ERI1: variants seen among roughly 807,000 people sequenced by gnomAD.
The protein encoded by ERI1 is exoribonuclease 1, also known as 3'-5' exoribonuclease 1.
In ERI1, 39 loss-of-function variants were observed where a neutral mutation model predicts 39.7. The observed-to-expected ratio is 0.98, with a 90% confidence interval of 0.76 to 1.28. The LOEUF is 1.28. Among genes scored for constraint, ERI1 ranks in the 50% most tolerant of loss-of-function variants. ERI1 has a pLI of 0.00. For missense variants in ERI1, 581 were observed against 416.9 expected, an observed-to-expected ratio of 1.39 and a Z score of -3.43; for synonymous variants, 204 against 149.6, an observed-to-expected ratio of 1.36 and a Z score of -2.65.
Position 9,018,300 on chromosome 8 carries a change from C to T in ERI1, c.586C>T (p.Gln196Ter). Reference sequence around the variant, plus strand: ...TATTTTACTTTTATATCCTCAGGATCAGGTAGACAGAGCTGATACCTTCCC... The same window carrying T: ...TATTTTACTTTTATATCCTCAGGATTAGGTAGACAGAGCTGATACCTTCCC... ...CISLTGITQD[Q>*]VDRADTFPQV... Residue 196 changes from glutamine (Q) to a stop codon, truncating the protein, a stop_gained, in exon 5 of 7, where the codon CAG becomes TAG. Coordinates refer to ENST00000250263, the MANE Select transcript of ERI1 (RefSeq NM_153332.4). LOFTEE classifies it high-confidence loss of function. The T allele has an allele frequency of 6.3e-7, 1 of 1,597,022 alleles. No homozygotes were observed.
intron 6 of ERI1, among the ~76,000 whole-genome samples, chr8:9,029,385 T>C (rs976365786): frequency 6.6e-6 from 1 of 152,084 alleles, no homozygotes; most frequent in Admixed American, 6.6e-5. Context: ...CTGGAGTGCA[T>C]TGGCATGATC....
At chr8:9,018,245 C>T in intron 4 of ERI1, 52 bp from the exon 5 acceptor site, 1 of 1,030,774 alleles carries the variant, frequency 9.7e-7, no homozygotes, top group Non-Finnish European at 1.5e-6. Context: ...TTTTGTAGGT[C>T]TACGTGAAGC....
intron 3 of ERI1, among the ~76,000 whole-genome samples, chr8:9,048,085 C>A (rs1282460774): frequency 2.6e-5 from 4 of 152,180 alleles, no homozygotes; most frequent in Admixed American, 6.5e-5. Flanking sequence ...CTTGCATTGT[C>A]CTCTGGGAAG....
At position 9,033,089 on chromosome 8, in the gene ERI1, T is replaced by A. The variant is rs917712821; in HGVS notation, c.*3055T>A. The A allele has an allele frequency of 6.6e-6, 1 of 152,178 alleles. No individual in the cohort carries two copies. The highest frequency in any genetic ancestry group is 6.5e-5 in the Admixed American group (1 of 15,276). 9.4% of individuals were successfully genotyped at this position (152,178 alleles called of 1,614,324 possible). ...TTCTATTATACTTAGAAATTTCCTC[T>A]TTGTTCTGCACCACCAACCTGTATA... On this transcript the variant is annotated 3_prime_UTR_variant, in exon 7 of 7. Coordinates refer to ENST00000250263, the MANE Select transcript of ERI1 (RefSeq NM_153332.4).
At chr8:9,019,022 C>T (rs562933041) in intron 5 of ERI1, among the ~76,000 whole-genome samples, 24 of 152,116 alleles carry the variant, frequency 1.6e-4, no homozygotes, top group Non-Finnish European at 2.6e-4. Context: ...ATACATAAGA[C>T]TTACTTTTGC....
intron 3 of ERI1, among the ~76,000 whole-genome samples, chr8:9,083,444 T>C (rs1799429195): frequency 6.6e-6 from 1 of 152,168 alleles, no homozygotes; most frequent in South Asian, 2.1e-4. Flanking sequence ...CGATGCCTTA[T>C]AAACTTTTAT....
chr8:9,064,543 T>C (rs952758611), intron 3 of ERI1, among the ~76,000 whole-genome samples: 1 of 151,944 alleles, frequency 6.6e-6, no homozygotes, highest in African/African-American at 2.4e-5. Flanking sequence ...GAATTGAAAT[T>C]AAGAGAAGTG....
intron 3 of ERI1, among the ~76,000 whole-genome samples, chr8:9,069,467 C>G (rs996477520): frequency 6.6e-6 from 1 of 152,142 alleles, no homozygotes; most frequent in African/African-American, 2.4e-5. Context: ...CTGGATGGAT[C>G]AAAGGGGACT....
chr8:9,037,210 G>C (rs1797878706), downstream of ERI1, among the ~76,000 whole-genome samples: 1 of 152,126 alleles, frequency 6.6e-6, no homozygotes, highest in African/African-American at 2.4e-5. Flanking sequence ...TCTGATTTCT[G>C]TCTGCCAACT....
intron 3 of ERI1, among the ~76,000 whole-genome samples, chr8:9,072,819 T>C (rs1324769814): frequency 6.6e-6 from 1 of 151,798 alleles, no homozygotes; most frequent in Non-Finnish European, 1.5e-5. Context: ...AAGCAGAGGG[T>C]CAGGGTCAGG....
At chr8:9,041,041 C>G (rs1026283695) in intron 3 of ERI1, among the ~76,000 whole-genome samples, 7 of 152,320 alleles carry the variant, frequency 4.6e-5, no homozygotes, top group African/African-American at 1.7e-4. Context: ...GCTGAGCCCC[C>G]AGGCACTTGC....
At chr8:9,026,548 C>T (rs1797173078) in intron 6 of ERI1, among the ~76,000 whole-genome samples, 1 of 152,114 alleles carries the variant, frequency 6.6e-6, no homozygotes. Context: ...CATGTTGTAT[C>T]ATGTGTCAGA....
intron 3 of ERI1, among the ~76,000 whole-genome samples, chr8:9,062,087 G>A (rs1017167929): frequency 3.9e-5 from 6 of 152,144 alleles, no homozygotes; most frequent in East Asian, 1.9e-4. Context: ...TGAAATGGGG[G>A]AATTGTAAGG....
chr8:9,037,510 T>G (rs1443836177), downstream of ERI1, among the ~76,000 whole-genome samples: 3 of 152,120 alleles, frequency 2.0e-5, no homozygotes, highest in African/African-American at 7.2e-5. Flanking sequence ...TTTTTTTTTT[T>G]TCTGTTTCCC....
chr8:9,088,913 C>T (rs1799617628), intron 3 of ERI1, among the ~76,000 whole-genome samples: 1 of 152,218 alleles, frequency 6.6e-6, no homozygotes, highest in African/African-American at 2.4e-5. Context: ...AATAGGTTCA[C>T]TACGTGCTCC....
At chr8:9,084,978 G>C (rs747902376) in intron 3 of ERI1, among the ~76,000 whole-genome samples, 7 of 152,018 alleles carry the variant, frequency 4.6e-5, no homozygotes, top group Non-Finnish European at 8.8e-5. Context: ...AATCCCCCCT[G>C]CATCCCCCTC....
In ERI1 at chr8:9,010,952, C is replaced by T. The variant is rs372765145; in HGVS notation, c.288-590C>T. Among the ~76,000 whole-genome samples, 35 of 152,214 alleles carry T rather than the reference C, an allele frequency of 2.3e-4. No homozygotes were observed. In the South Asian group the frequency reaches 7.2e-3, roughly 32 times the overall value. ...ACTAGTGTGATAATGCTCCTTTGGA[C>T]AGTTTACTTAGAGTGTATTCTAATT... On this transcript the variant is annotated intron_variant, in intron 2 of 6. Coordinates refer to ENST00000250263, the MANE Select transcript of ERI1 (RefSeq NM_153332.4).
chr8:9,087,689 T>A (rs1362810268), intron 3 of ERI1, among the ~76,000 whole-genome samples: 1 of 152,220 alleles, frequency 6.6e-6, no homozygotes, highest in Non-Finnish European at 1.5e-5. Context: ...TTTCAATAGA[T>A]AAATTTAGAT....
intron 3 of ERI1, chr8:9,091,108 T>C (rs1799688317): frequency 6.6e-6 from 1 of 152,232 alleles, no homozygotes; most frequent in Non-Finnish European, 1.5e-5. Context: ...AAGTTTAAAA[T>C]AATGCTGCAA....
Sources: allele counts gnomAD v4.1 joint callset (sites outside exome capture counted in the v4.1 genomes callset), GRCh38; gene constraint gnomAD v4.1.1; transcripts MANE v1.5; gene names NCBI Gene and HGNC (gene_info 2026-07-23, HGNC 2026-07-21).